MTSS2: variants seen among roughly 807,000 people sequenced by gnomAD.
MTSS2 encodes the protein MTSS I-BAR domain containing 2.
A neutral mutation model predicts 67.1 loss-of-function variants in MTSS2; 27 were observed. The ratio of observed to expected loss-of-function variants is 0.40; its 90% CI spans 0.30 to 0.55. MTSS2 has a LOEUF of 0.55. Among genes scored for constraint, MTSS2 ranks in the 20% least tolerant of loss-of-function variants. The pLI, the probability that MTSS2 is intolerant of heterozygous loss-of-function variation, is 0.43. For synonymous variants in MTSS2, 624 were observed against 468.6 expected (o/e 1.33, Z -4.28); for missense variants, 1,171 against 1,067.8 (o/e 1.10, Z -1.35).
chr16:70,674,648 A>G (rs2053057256), intron 10 of MTSS2, 120 bp from the exon 11 acceptor site: 1 of 846,222 alleles, frequency 1.2e-6, no homozygotes, highest in African/African-American at 1.7e-5. Context: ...GGAAAAGACA[A>G]TGTCAGACTA....
intron 1 of MTSS2, 96 bp downstream of exon 1, chr16:70,685,627 C>T: frequency 2.9e-6 from 2 of 693,532 alleles, no homozygotes; most frequent in Non-Finnish European, 3.7e-6. Flanking sequence ...GACACCGCGG[C>T]GCGCGGCCAC....
intron 10 of MTSS2, among the ~76,000 whole-genome samples, chr16:70,674,901 A>G (rs2053066140): frequency 6.6e-6 from 1 of 152,068 alleles, no homozygotes; most frequent in Non-Finnish European, 1.5e-5. Flanking sequence ...TCATTTGAGG[A>G]CAGGAGTTCA....
At chr16:70,680,910 G>GA (rs762067649) in intron 2 of MTSS2, 43 bp from the exon 3 acceptor site, 3 of 1,503,216 alleles carry the variant, frequency 2.0e-6, no homozygotes, top group Non-Finnish European at 2.7e-6. Context: ...TGGTTGGGCG[G>GA]GGGGGGGGCC....
In MTSS2 at chr16:70,661,213, C is replaced by T. The variant is rs180779202; in HGVS notation, c.*2464G>A. The T allele has an allele frequency of 2.2e-6, 1 of 452,774 alleles. No individual in the cohort carries two copies. Among genetic ancestry groups the T allele is most frequent in the Non-Finnish European group, 4.4e-6 (1 of 225,414 alleles). 28.0% of individuals were successfully genotyped at this position (452,774 alleles called of 1,614,324 possible). ...CAGGCAGAGGCAGGGGTGTTAATTA[C>T]AGTACACCTTTATTAATACTGGAAT... On this transcript the variant is annotated 3_prime_UTR_variant, in exon 15 of 15. Transcript: ENST00000338779.
At chr16:70,668,491 CA>C (rs1297577072) in intron 11 of MTSS2, among the ~76,000 whole-genome samples, 1 of 151,838 alleles carries the variant, frequency 6.6e-6, no homozygotes, top group Non-Finnish European at 1.5e-5. Context: ...GAGAAATCAA[CA>C]AGTAGGACAG....
chr16:70,679,151 GGGCCCCAGGGGGACTGTGCCCCA>G (rs1322124152), intron 7 of MTSS2, among the ~76,000 whole-genome samples, 141 bp downstream of exon 7: 2 of 152,030 alleles, frequency 1.3e-5, no homozygotes, highest in Non-Finnish European at 2.9e-5. Flanking sequence ...GGGACCCCGG[GGGCCCCAGGGGGACTGTGCCCCA>G]GGCCCCTCCC....
At chr16:70,665,596 G>T in intron 11 of MTSS2, 56 bp from the exon 12 acceptor site, 3 of 1,449,106 alleles carry the variant, frequency 2.1e-6, no homozygotes, top group Admixed American at 2.0e-5. Flanking sequence ...AGGCAGCAAG[G>T]AGGAGAGGAG....
At position 70,665,060 on chromosome 16, in the gene MTSS2, C is replaced by G. The variant is rs749598919; in HGVS notation, c.1165G>C (p.Gly389Arg). 1.3e-6 allele frequency: 2 copies of G among 1,597,934 alleles called. No individual in the cohort carries two copies. Among genetic ancestry groups the G allele is most frequent in the Admixed American group, 3.3e-5 (2 of 59,954 alleles). ...TCCTTCCTCCGCTGCAGAGTGGCGC[C>G]TGAGGGCTGCTCATGGGAGCCGACC... ...SKVGSHEQPS[G>R]ATLQRRKDRV... The change falls in exon 13 of 15, where the codon GGC becomes CGC. Residue 389 changes from glycine to arginine, a missense_variant. By Grantham distance (125) the Gly-to-Arg change is moderately radical (BLOSUM62 -2). Transcript: ENST00000338779.
intron 2 of MTSS2, 41 bp from the exon 3 acceptor site, chr16:70,680,908 C>G (rs530775942): frequency 0.011 from 13,120 of 1,176,458 alleles, no homozygotes; most frequent in South Asian, 0.039. Context: ...GGTGGTTGGG[C>G]GGGGGGGGGG....
At chr16:70,671,878 T>G (rs947886118) in intron 11 of MTSS2, among the ~76,000 whole-genome samples, 4 of 152,314 alleles carry the variant, frequency 2.6e-5, no homozygotes, top group East Asian at 3.9e-4. Flanking sequence ...TTGCCAAAAC[T>G]GTATGGCTTC....
At chr16:70,669,708 T>C (rs545659129) in intron 11 of MTSS2, among the ~76,000 whole-genome samples, 1 of 151,468 alleles carries the variant, frequency 6.6e-6, no homozygotes, top group Non-Finnish European at 1.5e-5. Context: ...TCCCAGCTAC[T>C]CGGGAGGCTG....
intron 11 of MTSS2, among the ~76,000 whole-genome samples, chr16:70,670,323 G>T (rs747981170): frequency 1.1e-4 from 17 of 152,134 alleles, no homozygotes; most frequent in Non-Finnish European, 2.4e-4. Flanking sequence ...CTTGCTAACA[G>T]GAGGGTAAAT....
At chr16:70,670,287 GAC>G (rs1326896888) in intron 11 of MTSS2, among the ~76,000 whole-genome samples, 1 of 151,986 alleles carries the variant, frequency 6.6e-6, no homozygotes, top group Non-Finnish European at 1.5e-5. Flanking sequence ...AAAACAAAAC[GAC>G]ACAAAACAAA....
intron 1 of MTSS2, 27 bp downstream of exon 1, chr16:70,685,695 GC>G: frequency 7.9e-7 from 1 of 1,270,076 alleles, no homozygotes; most frequent in South Asian, 1.9e-5. Flanking sequence ...CCGTCGCCGC[GC>G]GCCCGGCCCC....
rs768826163 is a variant in MTSS2, at chr16:70,663,862, C to T, written c.2059G>A (p.Ala687Thr). 5.8e-6 allele frequency: 9 copies of T among 1,542,524 alleles called. No homozygotes were observed. Among genetic ancestry groups the T allele is most frequent in the East Asian group, 2.4e-5 (1 of 40,928 alleles). ...KLGELVAGAH[A>T]LGEGQFPFPT... ...AAGGGGAACTGGCCCTCACCCAGTGCGTGGGCACCCGCCACCAGCTCCCCC... is the reference window on the plus strand; with the variant it reads ...AAGGGGAACTGGCCCTCACCCAGTGTGTGGGCACCCGCCACCAGCTCCCCC... Residue 687 changes from alanine (A) to threonine (T), a missense_variant, in exon 15 of 15, where the codon GCA becomes ACA. Ala to Thr is a moderately conservative substitution (Grantham distance 58, BLOSUM62 0). This residue lies in a region of MTSS2 where 924 missense variants were observed against 756.0 expected (regional missense o/e 1.22). Transcript: ENST00000338779.
Position 70,664,355 on chromosome 16 carries a change from G to A in MTSS2, c.1566C>T (p.Asn522=), listed in dbSNP as rs774886954. Reference sequence around the variant, plus strand: ...TCAGGCGGCGGTAGTTCTGGGCGATGTTGCTGTTGCGCGGGATGGTGGATG... The same window carrying A: ...TCAGGCGGCGGTAGTTCTGGGCGATATTGCTGTTGCGCGGGATGGTGGATG... ...DKSSTIPRNS[N]IAQNYRRLIQ... Residue 522 remains asparagine, a synonymous_variant, in exon 15 of 15, where the codon AAC becomes AAT. Transcript: ENST00000338779. 6.3e-7 allele frequency: 1 copy of A among 1,596,148 alleles called. No homozygotes were observed.
chr16:70,665,944 C>G (rs1164030486), intron 11 of MTSS2: 1 of 178,568 alleles, frequency 5.6e-6, no homozygotes, highest in Non-Finnish European at 1.2e-5. Flanking sequence ...GCCCCGAGTG[C>G]CACGCTGAGC....
In MTSS2 at chr16:70,663,672, C is replaced by T. The variant is rs770433462; in HGVS notation, c.*5G>A. 130 of 1,567,272 alleles carry T rather than the reference C, an allele frequency of 8.3e-5. 1 individual carries two copies. In the Admixed American group the frequency reaches 9.1e-4, roughly 11 times the overall value. ...GGGCCTGAGAGGATGGGGAGGGTGG[C>T]GCCATCATAAGATGCGGGGCGCCGA... On this transcript the variant is annotated 3_prime_UTR_variant, in exon 15 of 15. Coordinates refer to ENST00000338779, the MANE Select transcript of MTSS2 (RefSeq NM_138383.3).
rs1285826701 is a variant in MTSS2 at position 70,680,937 on chromosome 16, C to T, written c.131+27G>A. The T allele has an allele frequency of 3.8e-6, 6 of 1,587,638 alleles. No homozygotes were observed. In the South Asian group the frequency reaches 4.6e-5, roughly 12 times the overall value. ...GGGGGGGCCTCTGCCTGCCCCTCCC[C>T]TGCTGGGGTGCCCTGGGCCACCTCA... On this transcript the variant is annotated intron_variant, in intron 2 of 14. Coordinates refer to ENST00000338779, the MANE Select transcript of MTSS2 (RefSeq NM_138383.3).
Sources: gnomAD v4.1 joint callset for allele counts (sites outside exome capture counted in the v4.1 genomes callset) on GRCh38, gnomAD v4.1.1 for gene constraint, gnomAD v4.1.1 regional missense constraint, MANE v1.5 for transcripts, NCBI Gene and HGNC (gene_info 2026-07-23, HGNC 2026-07-21) for gene names.